Variants in SLC12A7 observed in about 807,000 individuals in gnomAD.
SLC12A7 encodes K-Cl cotransporter 4.
Under a neutral mutation model 120.6 loss-of-function variants are expected in SLC12A7, and 100 were observed. The observed-to-expected ratio is 0.83, with a 90% CI of 0.71 to 0.98. The LOEUF (loss-of-function observed/expected upper bound fraction) is 0.98. Among genes scored for constraint, SLC12A7 ranks in the 50% least tolerant of loss-of-function variants. SLC12A7 has a pLI of 0.00. For synonymous variants in SLC12A7, 760 were observed against 678.0 expected, an observed-to-expected ratio of 1.12 and a Z score of -1.88; for missense variants, 1,373 against 1,548.1, an observed-to-expected ratio of 0.89 and a Z score of 1.90.
the SLC12A7 span, among the ~76,000 whole-genome samples, chr5:1,155,528 C>T: frequency 1.3e-5 from 2 of 151,612 alleles, no homozygotes; most frequent in Admixed American, 6.6e-5. Context: ...GCGCGGCGGG[C>T]GGCAGGGGCG....
intron 3 of SLC12A7, among the ~76,000 whole-genome samples, chr5:1,091,103 G>A (rs1041543623): frequency 2.6e-5 from 4 of 152,204 alleles, no homozygotes; most frequent in Admixed American, 6.5e-5. Context: ...CGACTGAAAC[G>A]CAGGCAGCAT....
At position 1,085,226 on chromosome 5, in the gene SLC12A7, A is replaced by G; in HGVS notation, c.917+6T>C. The G allele has an allele frequency of 6.2e-7, 1 of 1,611,854 alleles. No homozygotes were observed. Among genetic ancestry groups the G allele is most frequent in the Non-Finnish European group, 8.5e-7 (1 of 1,179,498 alleles). ...CCACCCACGGCTCAGAGGCCCCGAGACTCACGGGATGTCCGGGGGGTCGAA... is the reference window on the plus strand; with the variant it reads ...CCACCCACGGCTCAGAGGCCCCGAGGCTCACGGGATGTCCGGGGGGTCGAA... On this transcript the variant is annotated splice_donor_region_variant and intron_variant, in intron 7 of 23. Transcript: ENST00000264930.
rs758654222 is a variant in SLC12A7 at position 1,111,932 on chromosome 5, C to T, written c.60G>A (p.Glu20=). 1.3e-4 allele frequency: 165 copies of T among 1,286,060 alleles called. No homozygotes were observed. The highest frequency in any genetic ancestry group is 6.0e-4 in the Admixed American group (18 of 30,018). 79.7% of individuals were successfully genotyped at this position (1,286,060 alleles called of 1,614,324 possible). Residue 20 remains glutamate (E), a synonymous_variant, in exon 1 of 24, where the codon GAG becomes GAA. Coordinates refer to ENST00000264930, the MANE Select transcript of SLC12A7 (RefSeq NM_006598.3). ...VEAHADGGGD[E]TAERTEAPGT... ...CCGGAGCCTCCGTCCGCTCGGCAGT[C>T]TCGTCCCCGCCGCCGTCGGCGTGAG...
Position 1,053,334 on chromosome 5 carries a change from T to C in SLC12A7, c.3160+15A>G. On this transcript the variant is annotated intron_variant, in intron 23 of 23. Coordinates refer to ENST00000264930, the MANE Select transcript of SLC12A7 (RefSeq NM_006598.3). ...GTGCCCGCACGCTCAGCAGGCACAC[T>C]GCAAGAAAGGATACAGTTCTCGTCT... is the stretch of plus-strand genomic sequence containing the variant. 3 of 1,612,750 alleles carry C rather than the reference T, an allele frequency of 1.9e-6. No individual in the cohort carries two copies. The highest frequency in any genetic ancestry group is 2.2e-5 in the East Asian group (1 of 44,872).
At chr5:1,127,200 A>G in the SLC12A7 span, among the ~76,000 whole-genome samples, 2 of 152,212 alleles carry the variant, frequency 1.3e-5, no homozygotes, top group Admixed American at 1.3e-4. Flanking sequence ...TTTTTAGTAG[A>G]GACGGGGTTT....
At chr5:1,081,128 G>A (rs6879334) in intron 9 of SLC12A7, among the ~76,000 whole-genome samples, 2,383 of 152,092 alleles carry the variant, frequency 0.016, 69 homozygotes, top group African/African-American at 0.055. Context: ...AGTGCCGGAG[G>A]AGAGAATGAC....
chr5:1,155,291 T>C, the SLC12A7 span, among the ~76,000 whole-genome samples: 1 of 152,006 alleles, frequency 6.6e-6, no homozygotes, highest in Non-Finnish European at 1.5e-5. Flanking sequence ...CCCGCCGTGG[T>C]CCCGAGAGAG....
At position 1,074,608 on chromosome 5, in the gene SLC12A7, C is replaced by G. The variant is rs1424265388; in HGVS notation, c.2031G>C (p.Leu677=). The G allele has an allele frequency of 2.5e-6, 4 of 1,612,710 alleles. No individual in the cohort carries two copies. The African/African-American group carries it at 5.3e-5, about 22-fold the overall frequency. ...GLSLNAARYA[L]LRVEHGPPHT... ...GGGGGGGACCGTGCTCCACGCGCAG[C>G]AGGGCGTAGCGGGCGGCGTTCAGGG... Residue 677 remains leucine, a synonymous_variant, in exon 16 of 24, where the codon CTG becomes CTC. Coordinates refer to ENST00000264930, the MANE Select transcript of SLC12A7 (RefSeq NM_006598.3).
the SLC12A7 span, among the ~76,000 whole-genome samples, chr5:1,147,484 GTCCTCTCGGGGCC>G: frequency 6.6e-6 from 1 of 151,706 alleles, no homozygotes; most frequent in African/African-American, 2.4e-5. Flanking sequence ...CCTGCCCTCT[GTCCTCTCGGGGCC>G]GCCTCCTGGA....
At chr5:1,115,688 G>A (rs180964383), upstream of SLC12A7, among the ~76,000 whole-genome samples, 1,549 of 152,234 alleles carry the variant, frequency 0.01, 18 homozygotes, top group Admixed American at 0.021. Flanking sequence ...GGCCCTGGAG[G>A]CCCCACACTC....
At chr5:1,108,870 C>T (rs1317321041) in intron 1 of SLC12A7, among the ~76,000 whole-genome samples, 3 of 152,166 alleles carry the variant, frequency 2.0e-5, no homozygotes, top group South Asian at 2.1e-4. Context: ...CCACTGACCA[C>T]GCAACCGGGC....
chr5:1,075,888 C>G, intron 14 of SLC12A7: 1 of 533,638 alleles, frequency 1.9e-6, no homozygotes, highest in Non-Finnish European at 3.3e-6. Context: ...CACATGCAGA[C>G]ACCTGGGCAT....
chr5:1,118,927 C>A, the SLC12A7 span, among the ~76,000 whole-genome samples: 2 of 152,176 alleles, frequency 1.3e-5, no homozygotes, highest in African/African-American at 4.8e-5. Context: ...ATCAGCCTCC[C>A]GGCGGGAGGG....
At chr5:1,096,185 G>A (rs577027518) in intron 1 of SLC12A7, among the ~76,000 whole-genome samples, 45 of 152,274 alleles carry the variant, frequency 3.0e-4, no homozygotes, top group African/African-American at 1.1e-3. Context: ...TAGGAAATAC[G>A]CCTGTGAGAG....
At chr5:1,113,328 G>C (rs1367871352), upstream of SLC12A7, among the ~76,000 whole-genome samples, 3 of 152,234 alleles carry the variant, frequency 2.0e-5, no homozygotes, top group African/African-American at 7.2e-5. Context: ...AAGGCAGCTG[G>C]AGGGGAGTGA....
In SLC12A7 at chr5:1,052,078, C is replaced by T. The variant is rs1159195558; in HGVS notation, c.*282G>A. 3.6e-5 allele frequency: 17 copies of T among 475,276 alleles called. No homozygotes were observed. Among genetic ancestry groups the T allele is most frequent in the Non-Finnish European group, 6.0e-5 (16 of 268,728 alleles). 29.4% of individuals were successfully genotyped at this position (475,276 alleles called of 1,614,324 possible). ...GGGCTCACTGGCTTCTTGTGACCTG[C>T]GAGAAGATCTGGCCACGTCCAGGTC... On this transcript the variant is annotated 3_prime_UTR_variant, in exon 24 of 24. Coordinates refer to ENST00000264930, the MANE Select transcript of SLC12A7 (RefSeq NM_006598.3).
chr5:1,074,584 G>T lies in SLC12A7; in HGVS notation c.2055C>A (p.Pro685=), dbSNP rs1402560132. ...YALLRVEHGP[P]HTKNWRPQVL... ...GTGCTCACCTCCAGTTCTTGGTGTG[G>T]GGGGGACCGTGCTCCACGCGCAGCA... is the stretch of plus-strand genomic sequence containing the variant. Residue 685 remains proline, a synonymous_variant, in exon 16 of 24, where the codon CCC becomes CCA. Transcript: ENST00000264930. 5.0e-6 allele frequency: 8 copies of T among 1,612,600 alleles called. No individual in the cohort carries two copies. The highest frequency in any genetic ancestry group is 6.8e-6 in the Non-Finnish European group (8 of 1,179,744).
chr5:1,099,402 C>T (rs1388522983), intron 1 of SLC12A7, among the ~76,000 whole-genome samples: 1 of 151,362 alleles, frequency 6.6e-6, no homozygotes, highest in Non-Finnish European at 1.5e-5. Context: ...GGGCCCGACC[C>T]GGTCCACCTC....
At chr5:1,076,849 A>C in intron 12 of SLC12A7, 37 bp from the exon 13 acceptor site, 4 of 1,394,030 alleles carry the variant, frequency 2.9e-6, no homozygotes, top group Non-Finnish European at 4.0e-6. Context: ...GGCAGATGAC[A>C]CCACCCTTTT....
Sources: allele counts gnomAD v4.1 joint callset (sites outside exome capture counted in the v4.1 genomes callset), GRCh38; gene constraint gnomAD v4.1.1; transcripts MANE v1.5; gene names NCBI Gene and HGNC (gene_info 2026-07-23, HGNC 2026-07-21).